FTCD: variants seen among roughly 807,000 people sequenced by gnomAD.
FTCD encodes formimidoyltransferase cyclodeaminase.
Under a neutral mutation model 62.9 loss-of-function variants are expected in FTCD, and 76 were observed. The observed-to-expected ratio is 1.21, with a 90% CI of 1.00 to 1.46. The LOEUF is 1.46. Among genes scored for constraint, FTCD ranks in the 40% most tolerant of loss-of-function variants. The pLI, the probability that FTCD is intolerant of heterozygous loss-of-function variation, is 0.00. For missense variants in FTCD, 845 were observed against 751.3 expected, an observed-to-expected ratio of 1.12 and a Z score of -1.46; for synonymous variants, 397 against 336.9, an observed-to-expected ratio of 1.18 and a Z score of -1.95.
chr21:46,145,919 G>C lies in FTCD; in HGVS notation c.997C>G (p.Arg333Gly). Reference sequence around the variant, plus strand: ...CGCAGGGACTTGCTGCCCAGGCCTCGCTCAGGCCCGCGCTCAGGGACCAGG... The same window carrying C: ...CGCAGGGACTTGCTGCCCAGGCCTCCCTCAGGCCCGCGCTCAGGGACCAGG... The part of the protein sequence containing the change: ...EYLVPERGPE[R>G]GLGSKSLRAF... The change falls in exon 9 of 14, where the codon CGA becomes GGA. Residue 333 changes from arginine to glycine, a missense_variant. Coordinates refer to ENST00000397746, the MANE Select transcript of FTCD (RefSeq NM_206965.2). The C allele has an allele frequency of 6.0e-6, 9 of 1,501,402 alleles. No homozygotes were observed. The highest frequency in any genetic ancestry group is 7.9e-6 in the Non-Finnish European group (9 of 1,132,130). The allele number at this position is 1,501,402 out of a possible 1,614,324, so 93.0% of individuals were successfully genotyped here.
chr21:46,145,783 A>AGCGCCCTCCCCCCCACC, intron 9 of FTCD, 35 bp downstream of exon 9: 1 of 346,460 alleles, frequency 2.9e-6, no homozygotes, highest in East Asian at 5.2e-5. Context: ...TCCCCCCAAC[A>AGCGCCCTCCCCCCCACC]ACTGCGCCTC....
intron 1 of FTCD, 27 bp from the exon 2 acceptor site, chr21:46,154,359 C>T (rs754999641): frequency 6.3e-7 from 1 of 1,599,402 alleles, no homozygotes; most frequent in South Asian, 1.1e-5. Flanking sequence ...GCCCCCACAC[C>T]TCAGTCTCCC....
At chr21:46,149,127 T>TGGA (rs2079210803) in intron 7 of FTCD, among the ~76,000 whole-genome samples, 1 of 151,608 alleles carries the variant, frequency 6.6e-6, no homozygotes, top group Non-Finnish European at 1.5e-5. Context: ...GAGGCAGGAG[T>TGGA]GGAGGGCCAC....
chr21:46,136,376 C>T (rs547177806), downstream of FTCD: 143 of 1,506,838 alleles, frequency 9.5e-5, 2 homozygotes, highest in South Asian at 6.6e-4. Flanking sequence ...GAAGGGTGGA[C>T]GGGAACTGAG....
At chr21:46,146,015 G>A (rs2079139642) in intron 8 of FTCD, 68 bp from the exon 9 acceptor site, 1 of 954,982 alleles carries the variant, frequency 1.0e-6, no homozygotes, top group Non-Finnish European at 1.5e-6. Flanking sequence ...CTCCCGGGGC[G>A]GCCCCAGGCC....
chr21:46,137,401 G>C, intron 12 of FTCD, 67 bp from the exon 13 acceptor site: 3 of 1,202,502 alleles, frequency 2.5e-6, no homozygotes, highest in African/African-American at 1.5e-5. Context: ...GAGGGTCTCT[G>C]CCTGACGGGC....
chr21:46,155,502 C>T lies in FTCD; in HGVS notation c.22G>A (p.Val8Ile), dbSNP rs368109014. MSQLVEC[V>I]PNFSEGKNQE... The stretch of plus-strand genomic sequence containing the variant: ...TTCTTCCCCTCCGAAAAGTTGGGGA[C>T]GCATTCCACCAGCTGGGACATGGCC... Residue 8 changes from valine to isoleucine, a missense_variant, in exon 1 of 14, where the codon GTC (valine) becomes ATC (isoleucine). Coordinates refer to ENST00000397746, the MANE Select transcript of FTCD (RefSeq NM_206965.2). 2.2e-5 allele frequency: 35 copies of T among 1,612,840 alleles called. No homozygotes were observed. Among genetic ancestry groups the T allele is most frequent in the African/African-American group, 1.1e-4 (8 of 74,946 alleles).
At position 46,151,426 on chromosome 21, in the gene FTCD, T is replaced by C. The variant is rs1054307566; in HGVS notation, c.636+132A>G. On this transcript the variant is annotated intron_variant, in intron 5 of 13. Transcript: ENST00000397746. Reference sequence around the variant, plus strand: ...GGTGTGGACGCGGAGGCTGGGCCGGTCTGCAGGTGGGAGGCCGAACCCTGT... The same window carrying C: ...GGTGTGGACGCGGAGGCTGGGCCGGCCTGCAGGTGGGAGGCCGAACCCTGT... The C allele has an allele frequency of 6.1e-6, 5 of 816,342 alleles. No homozygotes were observed. In the African/African-American group the frequency reaches 6.7e-5, roughly 11 times the overall value. 50.6% of individuals were successfully genotyped at this position (816,342 alleles called of 1,614,324 possible). A position where few individuals can be genotyped will look rare whatever the true frequency, so the allele number is the denominator to read the frequency against.
rs371423778 is a variant in FTCD, at chr21:46,137,244, C to A, written c.1534G>T (p.Asp512Tyr). The A allele has an allele frequency of 3.8e-5, 62 of 1,611,384 alleles. No individual in the cohort carries two copies. The highest frequency in any genetic ancestry group is 5.0e-5 in the Non-Finnish European group (59 of 1,177,790). Residue 512 changes from aspartate (D) to tyrosine (Y), a missense_variant, in exon 13 of 14, where the codon GAC becomes TAC. Asp to Tyr is a radical substitution (Grantham distance 160). Transcript: ENST00000397746. The part of the protein sequence containing the change: ...LRDITDEAFK[D>Y]QIHHRVSSLL... ...CACACCTGCCTCCTGCTCACCTGGTCCTTAAATGCCTCGTCTGTGATGTCC... is the reference window on the plus strand; with the variant it reads ...CACACCTGCCTCCTGCTCACCTGGTACTTAAATGCCTCGTCTGTGATGTCC...
chr21:46,154,001 G>T (rs998495655), intron 2 of FTCD, 148 bp downstream of exon 2: 1 of 808,532 alleles, frequency 1.2e-6, no homozygotes, highest in Admixed American at 2.0e-5. Context: ...ACACTCCAGG[G>T]TCCTCCTAGG....
downstream of FTCD, chr21:46,136,694 C>T (rs889178737): frequency 1.1e-5 from 16 of 1,466,774 alleles, no homozygotes; most frequent in East Asian, 2.5e-5. Flanking sequence ...TCCCATGGGC[C>T]ACTGACCATA....
chr21:46,147,942 C>CAAAAAA (rs3057182), intron 7 of FTCD, among the ~76,000 whole-genome samples: 1 of 96,174 alleles, frequency 1.0e-5, no homozygotes, highest in African/African-American at 3.7e-5. Flanking sequence ...GGCTCCATCT[C>CAAAAAA]AAAAAAAAAA....
intron 10 of FTCD, 153 bp from the exon 11 acceptor site, chr21:46,139,076 C>T (rs549033691): frequency 4.6e-5 from 32 of 698,640 alleles, no homozygotes; most frequent in South Asian, 4.4e-4. Flanking sequence ...GGTTTATAGC[C>T]CTTAGCATCA....
intron 5 of FTCD, 140 bp from the exon 6 acceptor site, chr21:46,150,665 C>G (rs1013019912): frequency 1.2e-5 from 11 of 890,050 alleles, no homozygotes; most frequent in Middle Eastern, 2.3e-4. Flanking sequence ...TCCTCCGTCC[C>G]TCACTGAGCT....
At chr21:46,140,054 A>G (rs1455300354) in intron 10 of FTCD, among the ~76,000 whole-genome samples, 1 of 152,224 alleles carries the variant, frequency 6.6e-6, no homozygotes, top group Admixed American at 6.5e-5. Flanking sequence ...TTTCTATTCC[A>G]TCTGGAAATT....
rs767841952 is a variant in FTCD, at chr21:46,151,957, T to C, written c.391A>G (p.Arg131Gly). The C allele has an allele frequency of 1.9e-6, 3 of 1,569,482 alleles. No individual in the cohort carries two copies. The highest frequency in any genetic ancestry group is 1.7e-6 in the Non-Finnish European group (2 of 1,157,846). Reference sequence around the variant, plus strand: ...GGCAGGGTCCGGCGACTGTCCATCCTGGCTGCCTCGCCGTACAGGTAAACT... The same window carrying C: ...GGCAGGGTCCGGCGACTGTCCATCCCGGCTGCCTCGCCGTACAGGTAAACT... The part of the protein sequence containing the change: ...VPVYLYGEAA[R>G]MDSRRTLPAI... The change falls in exon 4 of 14, where the codon AGG (arginine) becomes GGG (glycine). Residue 131 changes from arginine (R) to glycine (G), a missense_variant. By Grantham distance (125) the Arg-to-Gly change is moderately radical. Transcript: ENST00000397746.
At chr21:46,152,797 C>A (rs1241227746) in intron 3 of FTCD, 110 bp downstream of exon 3, 1 of 927,552 alleles carries the variant, frequency 1.1e-6, no homozygotes, top group South Asian at 1.8e-5. Context: ...TTGGAACACT[C>A]TGCCCTTGCA....
chr21:46,150,361 A>G, intron 6 of FTCD, 27 bp downstream of exon 6: 2 of 1,611,690 alleles, frequency 1.2e-6, no homozygotes, highest in Non-Finnish European at 1.7e-6. Flanking sequence ...CGCCCCTCAC[A>G]GCAGCAGCGG....
Position 46,145,925 on chromosome 21 carries a change from G to GC in FTCD, c.990dup (p.Pro331AlafsTer2), listed in dbSNP as rs398124234. On this transcript the variant is annotated frameshift_variant, in exon 9 of 14. Coordinates refer to ENST00000397746, the MANE Select transcript of FTCD (RefSeq NM_206965.2). LOFTEE classifies it high-confidence loss of function. The stretch of plus-strand genomic sequence containing the variant: ...GACTTGCTGCCCAGGCCTCGCTCAG[G>GC]CCCGCGCTCAGGGACCAGGTACCTG... 7,421 of 1,504,188 alleles carry GC rather than the reference G, an allele frequency of 4.9e-3. 23 individuals carry two copies. The highest frequency in any genetic ancestry group is 5.7e-3 in the Non-Finnish European group (6,424 of 1,132,996). 93.2% of individuals were successfully genotyped at this position (1,504,188 alleles called of 1,614,324 possible).
Sources: allele counts gnomAD v4.1 joint callset (sites outside exome capture counted in the v4.1 genomes callset), GRCh38; gene constraint gnomAD v4.1.1; transcripts MANE v1.5; gene names NCBI Gene and HGNC (gene_info 2026-07-23, HGNC 2026-07-21).